The following TMEM132D variants were observed in gnomAD, a reference collection of about 807,000 sequenced individuals.
TMEM132D encodes transmembrane protein 132D, also known as mature OL transmembrane protein.
Under a neutral mutation model 62.3 loss-of-function variants are expected in TMEM132D, and 21 were observed. That is an observed-to-expected ratio of 0.34 (90% confidence interval 0.24 to 0.49). The LOEUF (loss-of-function observed/expected upper bound fraction) is 0.49. TMEM132D is among the 20% of genes least tolerant of loss of function. The probability of loss-of-function intolerance (pLI) is 0.99; values close to 1 mark genes in which losing one functional copy is unlikely to be tolerated. For missense variants in TMEM132D, 1,346 were observed against 1,402.8 expected (o/e 0.96, Z 0.65); for synonymous variants, 621 against 575.6 (o/e 1.08, Z -1.13).
At chr12:129,156,252 C>A (rs978842630) in intron 5 of TMEM132D, among the ~76,000 whole-genome samples, 2 of 151,582 alleles carry the variant, frequency 1.3e-5, no homozygotes, top group East Asian at 1.9e-4. Context: ...ATAACCAAAC[C>A]ACTCCCATGA....
intron 3 of TMEM132D, among the ~76,000 whole-genome samples, chr12:129,374,269 C>CAGAG (rs35178347): frequency 0.024 from 3,437 of 144,340 alleles, 58 homozygotes; most frequent in South Asian, 0.04. Context: ...CCTCACACAT[C>CAGAG]AGAGAGAGAG....
At chr12:129,231,216 A>G (rs7310830) in intron 4 of TMEM132D, among the ~76,000 whole-genome samples, 108,248 of 152,204 alleles carry the variant, frequency 0.71, 39,111 homozygotes, top group East Asian at 0.98. Context: ...CCAGACTCAA[A>G]CGTGTCCTTG....
chr12:129,082,773 AG>A (rs1350745139), intron 6 of TMEM132D, among the ~76,000 whole-genome samples: 5 of 152,338 alleles, frequency 3.3e-5, no homozygotes, highest in African/African-American at 1.2e-4. Flanking sequence ...TCTGTCACCC[AG>A]GCTGGAGTGC....
intron 4 of TMEM132D, among the ~76,000 whole-genome samples, chr12:129,259,229 G>A (rs77975205): frequency 0.025 from 3,844 of 152,252 alleles, 159 homozygotes; most frequent in African/African-American, 0.087. Context: ...ACTGCAGGAG[G>A]ATCTAGGCTG....
At chr12:129,850,422 G>T (rs1213709400) in intron 1 of TMEM132D, among the ~76,000 whole-genome samples, 1 of 152,172 alleles carries the variant, frequency 6.6e-6, no homozygotes, top group Non-Finnish European at 1.5e-5. Context: ...GGGAAACTTG[G>T]CCACGCAAAG....
At chr12:129,111,443 G>A (rs1490226275) in intron 5 of TMEM132D, 1 of 152,264 alleles carries the variant, frequency 6.6e-6, no homozygotes, top group African/African-American at 2.4e-5. Context: ...TGGAACAGCT[G>A]CTAAGTGAGA....
chr12:129,201,368 C>A (rs920176876), intron 5 of TMEM132D, among the ~76,000 whole-genome samples: 3 of 152,214 alleles, frequency 2.0e-5, no homozygotes, highest in African/African-American at 7.2e-5. Flanking sequence ...CCGAGGCTAT[C>A]CCACTCCTAA....
intron 1 of TMEM132D, among the ~76,000 whole-genome samples, chr12:129,770,447 T>C (rs1419297650): frequency 6.6e-6 from 1 of 152,164 alleles, no homozygotes; most frequent in Non-Finnish European, 1.5e-5. Context: ...TCCCCAGGAT[T>C]CTTTTGAGAA....
At chr12:129,189,883 C>CT (rs1237161469) in intron 5 of TMEM132D, among the ~76,000 whole-genome samples, 1 of 152,080 alleles carries the variant, frequency 6.6e-6, no homozygotes, top group African/African-American at 2.4e-5. Context: ...ATTGGAGTCG[C>CT]TAACAGCTGA....
chr12:129,446,270 G>T (rs1669365936), intron 3 of TMEM132D, among the ~76,000 whole-genome samples: 1 of 152,166 alleles, frequency 6.6e-6, no homozygotes, highest in Non-Finnish European at 1.5e-5. Flanking sequence ...AGAGGATGTG[G>T]TGTGACTTGG....
chr12:129,609,655 G>A lies in TMEM132D; in HGVS notation c.969-78450C>T, dbSNP rs567846708. Among the ~76,000 whole-genome samples the A allele has an allele frequency of 3.9e-5, 6 of 152,244 alleles. No individual in the cohort carries two copies. In the South Asian group the frequency reaches 8.3e-4, roughly 21 times the overall value. On this transcript the variant is annotated intron_variant, in intron 2 of 8. Transcript: ENST00000422113. ...CAAGGTTCAGCACTACGTTGTTCAT[G>A]CTCTGGTCCAGACACTGGACAAGGG... is the stretch of plus-strand genomic sequence containing the variant.
chr12:129,579,962 G>A (rs190149446), intron 2 of TMEM132D, among the ~76,000 whole-genome samples: 2 of 152,290 alleles, frequency 1.3e-5, no homozygotes, highest in Non-Finnish European at 2.9e-5. Flanking sequence ...GGTGCAGGAG[G>A]GAGAGGGACT....
At chr12:129,289,225 A>AT (rs1881380670) in intron 4 of TMEM132D, among the ~76,000 whole-genome samples, 1 of 152,152 alleles carries the variant, frequency 6.6e-6, no homozygotes, top group Non-Finnish European at 1.5e-5. Flanking sequence ...TGTACTTGAG[A>AT]TTTTGTTAAA....
intron 2 of TMEM132D, among the ~76,000 whole-genome samples, chr12:129,673,773 A>G (rs1429323600): frequency 1.3e-5 from 2 of 152,130 alleles, no homozygotes; most frequent in Non-Finnish European, 2.9e-5. Context: ...CCAATTTCCA[A>G]CCTTTGCTCC....
chr12:129,813,803 T>C (rs1872264972), intron 1 of TMEM132D, among the ~76,000 whole-genome samples: 1 of 151,834 alleles, frequency 6.6e-6, no homozygotes, highest in African/African-American at 2.4e-5. Context: ...CCTAGAAAAT[T>C]CAAAGTAACA....
intron 3 of TMEM132D, among the ~76,000 whole-genome samples, chr12:129,369,565 T>C (rs1360392501): frequency 1.3e-5 from 2 of 152,230 alleles, no homozygotes; most frequent in Admixed American, 6.5e-5. Context: ...CTGGGTCTCA[T>C]CAGCGGAAGC....
intron 4 of TMEM132D, among the ~76,000 whole-genome samples, chr12:129,293,967 AG>A (rs566863511): frequency 8.6e-5 from 13 of 152,018 alleles, no homozygotes; most frequent in South Asian, 2.1e-4. Context: ...TGAAGAGGAG[AG>A]GGGGGCCCCA....
At chr12:129,452,661 T>A (rs1160517356) in intron 3 of TMEM132D, among the ~76,000 whole-genome samples, 1 of 151,926 alleles carries the variant, frequency 6.6e-6, no homozygotes, top group African/African-American at 2.4e-5. Context: ...CCATGGCTTC[T>A]GGTGAGAGTA....
chr12:129,151,252 T>C (rs1193317008), intron 5 of TMEM132D, among the ~76,000 whole-genome samples: 1 of 152,214 alleles, frequency 6.6e-6, no homozygotes, highest in Non-Finnish European at 1.5e-5. Context: ...AGCTCTGGTG[T>C]CCAGCAACAT....
Sources: gnomAD v4.1 joint callset for allele counts (sites outside exome capture counted in the v4.1 genomes callset) on GRCh38, gnomAD v4.1.1 for gene constraint, MANE v1.5 for transcripts, NCBI Gene and HGNC (gene_info 2026-07-23, HGNC 2026-07-21) for gene names.